Variants in DENND6B observed in about 807,000 individuals in gnomAD.
The protein encoded by DENND6B is DENN domain containing 6B, also known as protein DENND6B.
In DENND6B, 73 loss-of-function variants were observed where a neutral mutation model predicts 85.1. The ratio of observed to expected loss-of-function variants is 0.86; its 90% CI spans 0.71 to 1.04. The LOEUF (loss-of-function observed/expected upper bound fraction) is 1.04. Among genes scored for constraint, DENND6B ranks in the 50% least tolerant of loss-of-function variants. DENND6B has a pLI of 0.00. For synonymous variants in DENND6B, 357 were observed against 329.3 expected (o/e 1.08, Z -0.91); for missense variants, 715 against 785.8 (o/e 0.91, Z 1.08).
chr22:50,314,336 G>A, intron 12 of DENND6B, 64 bp from the exon 13 acceptor site: 6 of 1,586,266 alleles, frequency 3.8e-6, no homozygotes, highest in Non-Finnish European at 5.1e-6. Context: ...CACGGGCTCT[G>A]AGGCGGCCCC....
chr22:50,323,529 G>A (rs954551726), intron 1 of DENND6B, among the ~76,000 whole-genome samples: 35 of 151,126 alleles, frequency 2.3e-4, no homozygotes, highest in African/African-American at 8.3e-4. Flanking sequence ...CATGCAATCC[G>A]CCTGCCTCAG....
In DENND6B at chr22:50,316,071, C is replaced by A; in HGVS notation, c.656G>T (p.Arg219Met). ...GVVVQVRIPSRVDKSESSPPK... is the reference protein window; with the variant it reads ...GVVVQVRIPSMVDKSESSPPK... ...AGGACTGGACTCGGACTTGTCCACC[C>A]TGGATGGGATGCGCACCTGGGAGAA... is the stretch of plus-strand genomic sequence containing the variant. Residue 219 changes from arginine to methionine, a missense_variant, in exon 8 of 20, where the codon AGG (arginine) becomes ATG (methionine). Coordinates refer to ENST00000413817, the MANE Select transcript of DENND6B (RefSeq NM_001001794.4). The A allele has an allele frequency of 6.2e-7, 1 of 1,612,636 alleles. No individual in the cohort carries two copies.
intron 1 of DENND6B, among the ~76,000 whole-genome samples, chr22:50,326,493 G>C (rs561745908): frequency 5.3e-5 from 8 of 152,374 alleles, no homozygotes; most frequent in African/African-American, 1.7e-4. Context: ...GAGCCACTGA[G>C]GGGATGAAGG....
At chr22:50,316,764 G>A in intron 5 of DENND6B, 2 of 1,349,984 alleles carry the variant, frequency 1.5e-6, no homozygotes, top group Non-Finnish European at 9.7e-7. Flanking sequence ...CCTCCCCAGG[G>A]GCTGAGCAGC....
Position 50,313,708 on chromosome 22 carries a change from C to T in DENND6B, c.1220G>A (p.Arg407Gln), listed in dbSNP as rs563960196. The stretch of plus-strand genomic sequence containing the variant: ...CAGGGCGCTCTGCACATCTGACGGC[C>T]GCTTCTTCTGCACGCCCTGCAGGGG... The part of the protein sequence containing the change: ...KRLLKGVQKK[R>Q]PSDVQSALLR... The change falls in exon 15 of 20, where the codon CGG (arginine) becomes CAG (glutamine). Residue 407 changes from arginine (R) to glutamine (Q), a missense_variant. Physicochemically the swap from Arg to Gln is conservative, Grantham distance 43. Transcript: ENST00000413817. The T allele has an allele frequency of 2.9e-5, 46 of 1,601,988 alleles. No homozygotes were observed. Among genetic ancestry groups the T allele is most frequent in the South Asian group, 1.0e-4 (9 of 89,184 alleles).
chr22:50,326,258 G>T (rs1290475524), intron 1 of DENND6B, among the ~76,000 whole-genome samples: 1 of 152,242 alleles, frequency 6.6e-6, no homozygotes, highest in Non-Finnish European at 1.5e-5. Flanking sequence ...GGAGGGACGG[G>T]GCCCATGGGG....
At chr22:50,326,688 C>A in intron 1 of DENND6B, 124 bp downstream of exon 1, 1 of 880,002 alleles carries the variant, frequency 1.1e-6, no homozygotes, top group Non-Finnish European at 1.5e-6. Context: ...AGAGGCCCCT[C>A]CAGGAGGCGG....
chr22:50,313,936 G>A, intron 13 of DENND6B, 58 bp from the exon 14 acceptor site: 2 of 1,535,354 alleles, frequency 1.3e-6, no homozygotes, highest in Admixed American at 1.9e-5. Flanking sequence ...CCACACTCCT[G>A]CAGCCCCACA....
chr22:50,317,416 C>T, intron 4 of DENND6B, 43 bp from the exon 5 acceptor site: 1 of 1,608,722 alleles, frequency 6.2e-7, no homozygotes, highest in South Asian at 1.1e-5. Flanking sequence ...CCACCCGGAC[C>T]ACCTGGCCAG....
Position 50,317,308 on chromosome 22 carries a change from CCT to C in DENND6B, c.436_437del (p.Arg146GlyfsTer32). ...AGCAGCGCACCTTCTGGAAGTAGCC[CCT>C]CTTCACAGAGCTGTCCTTCACCTGC... Reference protein sequence around the residue: ...FRQVKDSSVKRGYFQKSLVLV... With the variant: ...FRQVKDSSVKXGYFQKSLVLV... On this transcript the variant is annotated frameshift_variant, in exon 5 of 20. Coordinates refer to ENST00000413817, the MANE Select transcript of DENND6B (RefSeq NM_001001794.4). LOFTEE classifies it high-confidence loss of function. The C allele has an allele frequency of 4.3e-6, 7 of 1,612,882 alleles. No individual in the cohort carries two copies. Among genetic ancestry groups the C allele is most frequent in the Non-Finnish European group, 5.1e-6 (6 of 1,179,648 alleles).
chr22:50,324,563 T>C (rs2042140806), intron 1 of DENND6B, among the ~76,000 whole-genome samples: 1 of 152,194 alleles, frequency 6.6e-6, no homozygotes, highest in Admixed American at 6.5e-5. Context: ...TAGCTGGGAT[T>C]ACAGGCGTGC....
intron 3 of DENND6B, 55 bp from the exon 4 acceptor site, chr22:50,318,075 C>T: frequency 6.4e-7 from 1 of 1,574,388 alleles, no homozygotes; most frequent in Non-Finnish European, 8.7e-7. Context: ...CTTCTGCAGG[C>T]CCTGGAGCTG....
rs781252238 is a variant in DENND6B, at chr22:50,312,588, G to A, written c.1495C>T (p.Arg499Trp). 53 of 1,588,204 alleles carry A rather than the reference G, an allele frequency of 3.3e-5. No individual in the cohort carries two copies. Among genetic ancestry groups the A allele is most frequent in the African/African-American group, 5.4e-5 (4 of 74,374 alleles). ...FKSPHFDGWYRQRHKEMALKL... is the reference protein window; with the variant it reads ...FKSPHFDGWYWQRHKEMALKL... ...AGGGCCATCTCCTTGTGCCGCTGCC[G>A]GTACCAGCCATCAAAATGGGGGGAC... is the stretch of plus-strand genomic sequence containing the variant. The change falls in exon 18 of 20, where the codon CGG (arginine) becomes TGG (tryptophan). Residue 499 changes from arginine to tryptophan, a missense_variant. By Grantham distance (101) the Arg-to-Trp change is moderately radical. Transcript: ENST00000413817.
Position 50,314,623 on chromosome 22 carries a change from G to A in DENND6B, c.959C>T (p.Thr320Ile). The A allele has an allele frequency of 6.4e-7, 1 of 1,565,048 alleles. No homozygotes were observed. Among genetic ancestry groups the A allele is most frequent in the South Asian group, 1.2e-5 (1 of 85,112 alleles). The change falls in exon 11 of 20, where the codon ACC becomes ATC. Residue 320 changes from threonine to isoleucine, a missense_variant. Coordinates refer to ENST00000413817, the MANE Select transcript of DENND6B (RefSeq NM_001001794.4). ...CACTTACGGGGCCTGCGTGCGTGTG[G>A]TGAACTCCTTGAACTCGCTGTCATG... ...TIHDSEFKEF[T>I]TRTQAPPNVV...
chr22:50,326,508 A>T (rs1332498837), intron 1 of DENND6B, among the ~76,000 whole-genome samples: 1 of 152,244 alleles, frequency 6.6e-6, no homozygotes, highest in Non-Finnish European at 1.5e-5. Context: ...TGAAGGTGTC[A>T]CTGCTCCGGT....
At chr22:50,317,409 C>G in intron 4 of DENND6B, 36 bp from the exon 5 acceptor site, 1 of 1,610,480 alleles carries the variant, frequency 6.2e-7, no homozygotes, top group Non-Finnish European at 8.5e-7. Context: ...CCACGCCCCA[C>G]CCGGACCACC....
intron 5 of DENND6B, 146 bp downstream of exon 5, chr22:50,317,147 G>T: frequency 3.8e-6 from 3 of 790,082 alleles, no homozygotes; most frequent in Non-Finnish European, 6.1e-6. Context: ...GGGGCGGCAA[G>T]GAGAGCTGGA....
chr22:50,317,851 G>C, intron 4 of DENND6B, 57 bp downstream of exon 4: 1 of 1,529,362 alleles, frequency 6.5e-7, no homozygotes, highest in Non-Finnish European at 8.8e-7. Context: ...GCCTGACCCT[G>C]GCAGGACCCT....
chr22:50,313,775 C>T, intron 14 of DENND6B, 39 bp downstream of exon 14: 1 of 1,609,726 alleles, frequency 6.2e-7, no homozygotes, highest in East Asian at 2.2e-5. Flanking sequence ...CCACACCAGG[C>T]TCCCTGCGTC....
Sources: gnomAD v4.1 joint callset for allele counts (sites outside exome capture counted in the v4.1 genomes callset) on GRCh38, gnomAD v4.1.1 for gene constraint, MANE v1.5 for transcripts, NCBI Gene and HGNC (gene_info 2026-07-23, HGNC 2026-07-21) for gene names.